USP40: variants seen among roughly 807,000 people sequenced by gnomAD.
USP40 encodes the protein ubiquitin carboxyl-terminal hydrolase 40.
USP40 carries 143 observed loss-of-function variants against 166.2 expected under a neutral mutation model. The ratio of observed to expected loss-of-function variants is 0.86; its 90% CI spans 0.75 to 0.99. The LOEUF (loss-of-function observed/expected upper bound fraction) is 0.99, where lower values mean the gene tolerates loss of function less well. USP40 is among the 50% of genes least tolerant of loss of function. USP40 has a pLI of 0.00. For missense variants in USP40, 1,444 were observed against 1,479.7 expected, an observed-to-expected ratio of 0.98 and a Z score of 0.40; for synonymous variants, 498 against 524.0, an observed-to-expected ratio of 0.95 and a Z score of 0.68.
chr2:233,522,343 T>C (rs986251889), intron 16 of USP40, among the ~76,000 whole-genome samples: 1 of 152,192 alleles, frequency 6.6e-6, no homozygotes, highest in African/African-American at 2.4e-5. Context: ...TACTGCCTTT[T>C]ATAAAGGAAA....
chr2:233,514,976 A>C (rs533748545), intron 18 of USP40, among the ~76,000 whole-genome samples: 1 of 152,158 alleles, frequency 6.6e-6, no homozygotes, highest in Non-Finnish European at 1.5e-5. Context: ...TTATTTGTCT[A>C]AAGTGTCCTA....
intron 23 of USP40, among the ~76,000 whole-genome samples, 188 bp downstream of exon 23, chr2:233,498,360 C>T (rs2065865659): frequency 2.6e-5 from 4 of 152,170 alleles, no homozygotes; most frequent in Admixed American, 2.6e-4. Flanking sequence ...CAGAAATGTT[C>T]CCACTGCACT....
intron 24 of USP40, among the ~76,000 whole-genome samples, chr2:233,494,956 T>TTTTATA (rs2065627243): frequency 2.8e-5 from 1 of 35,504 alleles, no homozygotes; most frequent in African/African-American, 1.1e-4. Context: ...ATATATATAT[T>TTTTATA]TATATATATA....
chr2:233,566,175 C>A, intron 1 of USP40, among the ~76,000 whole-genome samples: 1 of 138,120 alleles, frequency 7.2e-6, no homozygotes, highest in Middle Eastern at 3.3e-3. Flanking sequence ...GGAAGGGGAG[C>A]GGAGGGCGGG....
chr2:233,536,321 C>T (rs1432561899), intron 10 of USP40, among the ~76,000 whole-genome samples: 2 of 152,038 alleles, frequency 1.3e-5, no homozygotes, highest in South Asian at 2.1e-4. Flanking sequence ...ATATCTGAAA[C>T]GTATAGCTCA....
chr2:233,543,972 G>T (rs1326025247), intron 8 of USP40, among the ~76,000 whole-genome samples: 4 of 152,160 alleles, frequency 2.6e-5, no homozygotes. Context: ...CATCAACTAG[G>T]TGTCACACAA....
chr2:233,546,083 G>A, intron 8 of USP40: 1 of 152,194 alleles, frequency 6.6e-6, no homozygotes, highest in East Asian at 1.9e-4. Context: ...TCTAAGTCCT[G>A]AGGAAGACCT....
intron 7 of USP40, among the ~76,000 whole-genome samples, chr2:233,551,070 G>T (rs2070505099): frequency 6.6e-6 from 1 of 152,200 alleles, no homozygotes; most frequent in South Asian, 2.1e-4. Flanking sequence ...TTCTCAAACA[G>T]GGTCAATCTT....
At position 233,485,987 on chromosome 2, in the gene USP40, A is replaced by G. The variant is rs779292270; in HGVS notation, c.3198-10T>C. The G allele has an allele frequency of 1.0e-5, 16 of 1,559,592 alleles. No homozygotes were observed. Among genetic ancestry groups the G allele is most frequent in the Non-Finnish European group, 1.4e-5 (16 of 1,155,978 alleles). On this transcript the variant is annotated splice_polypyrimidine_tract_variant and intron_variant, in intron 28 of 31. Transcript: ENST00000678225. ...CAGCACGTCCTGGGGGCTGTACCAG[A>G]AAACCGTCAAGCGCCAGATCCAAAC...
Position 233,554,426 on chromosome 2 carries a change from T to C in USP40, c.647A>G (p.Asn216Ser), listed in dbSNP as rs767053699. The C allele has an allele frequency of 1.1e-5, 18 of 1,613,212 alleles. No homozygotes were observed. The highest frequency in any genetic ancestry group is 1.6e-4 in the Middle Eastern group (1 of 6,078). ...GTCACAAGTTCCACAGTGGTACAAG[T>C]TGTCACAATCAAAAACTTCCTCTTC... ...YVEEEVFDCD[N>S]LYHCGTCDRL... Residue 216 changes from asparagine to serine, a missense_variant, in exon 6 of 32, where the codon AAC becomes AGC. Coordinates refer to ENST00000678225, the MANE Select transcript of USP40 (RefSeq NM_001365479.2).
In USP40 at chr2:233,496,620, G is replaced by A. The variant is rs191032201; in HGVS notation, c.2790+138C>T. 519 of 494,142 alleles carry A rather than the reference G, an allele frequency of 1.1e-3. 4 individuals are homozygous for A. The highest frequency in any genetic ancestry group is 9.2e-3 in the African/African-American group (469 of 50,972). 30.6% of individuals were successfully genotyped at this position (494,142 alleles called of 1,614,324 possible). ...TACAAGTTAGGAAACATATCTGATTGATAGCATTTGGGGAAAGTTCTCCCT... is the reference window on the plus strand; with the variant it reads ...TACAAGTTAGGAAACATATCTGATTAATAGCATTTGGGGAAAGTTCTCCCT... On this transcript the variant is annotated intron_variant, in intron 24 of 31. Transcript: ENST00000678225.
rs562879098 is a variant in USP40 at position 233,491,189 on chromosome 2, G to A, written c.2990C>T (p.Thr997Met). 77 of 1,610,384 alleles carry A rather than the reference G, an allele frequency of 4.8e-5. 1 individual carries two copies. The highest frequency in any genetic ancestry group is 2.7e-4 in the Admixed American group (16 of 59,686). Reference protein sequence around the residue: ...LGDIEISEDATLAELKSQAMT... With the variant: ...LGDIEISEDAMLAELKSQAMT... ...GACCTGAGACTTCAGCTCCGCCAGC[G>A]TGGCATCTTCTGAGATCTCTATGTC... The change falls in exon 26 of 32, where the codon ACG (threonine) becomes ATG (methionine). Residue 997 changes from threonine (T) to methionine (M), a missense_variant. Coordinates refer to ENST00000678225, the MANE Select transcript of USP40 (RefSeq NM_001365479.2).
intron 4 of USP40, 54 bp from the exon 5 acceptor site, chr2:233,557,073 A>T (rs1000898891): frequency 1.4e-5 from 21 of 1,484,762 alleles, no homozygotes; most frequent in Non-Finnish European, 1.8e-6. Context: ...TTTTTAAAAC[A>T]TTAAAAAAAC....
Position 233,553,956 on chromosome 2 carries a change from T to C in USP40, c.693+424A>G, listed in dbSNP as rs574645994. Among the ~76,000 whole-genome samples, 12 of 152,338 alleles carry C rather than the reference T, an allele frequency of 7.9e-5. No homozygotes were observed. The South Asian group carries it at 8.3e-4, about 11-fold the overall frequency. ...ACCTGGGGGAGGAGGTAAGGCTATA[T>C]TGGATTTGCCAGAGTGAGGAAGAAC... On this transcript the variant is annotated intron_variant, in intron 6 of 31. Coordinates refer to ENST00000678225, the MANE Select transcript of USP40 (RefSeq NM_001365479.2).
rs545826781 is a variant in USP40 at position 233,488,984 on chromosome 2, G to C, written c.3131+381C>G. On this transcript the variant is annotated intron_variant, in intron 27 of 31. Transcript: ENST00000678225. ...GAAAGAAAGAAACAAAAAGCCTCAA[G>C]GCTGCTTTTTGCAAAGGAAATGACC... Among the ~76,000 whole-genome samples the C allele has an allele frequency of 2.0e-5, 3 of 152,246 alleles. No homozygotes were observed. In the East Asian group the frequency reaches 5.8e-4, roughly 29 times the overall value.
chr2:233,516,150 G>A (rs2067174880), intron 18 of USP40, among the ~76,000 whole-genome samples: 1 of 152,074 alleles, frequency 6.6e-6, no homozygotes, highest in African/African-American at 2.4e-5. Flanking sequence ...GTAGGCCATA[G>A]TTTGCTGACC....
chr2:233,532,039 G>A (rs1452421693), intron 11 of USP40, among the ~76,000 whole-genome samples: 4 of 152,142 alleles, frequency 2.6e-5, no homozygotes, highest in Admixed American at 6.5e-5. Context: ...CCTTTTCTGC[G>A]CACACATAGG....
intron 8 of USP40, among the ~76,000 whole-genome samples, chr2:233,548,191 G>A (rs2070179516): frequency 6.6e-6 from 1 of 152,068 alleles, no homozygotes; most frequent in Non-Finnish European, 1.5e-5. Context: ...ACCTCTCATA[G>A]GAAACCATTC....
chr2:233,544,452 G>GTC (rs919072794), intron 8 of USP40, among the ~76,000 whole-genome samples: 11 of 152,114 alleles, frequency 7.2e-5, no homozygotes, highest in South Asian at 2.1e-4. Flanking sequence ...TCAATTTCCT[G>GTC]TCTCTCTCCC....
Sources: allele counts gnomAD v4.1 joint callset (sites outside exome capture counted in the v4.1 genomes callset), GRCh38; gene constraint gnomAD v4.1.1; transcripts MANE v1.5; gene names NCBI Gene and HGNC (gene_info 2026-07-23, HGNC 2026-07-21).